SLC37A3: variants seen among roughly 807,000 people sequenced by gnomAD.
SLC37A3 encodes the protein solute carrier family 37 member 3.
SLC37A3 carries 51 observed loss-of-function variants against 67.1 expected under a neutral mutation model. The observed-to-expected ratio is 0.76, with a 90% CI of 0.61 to 0.96. SLC37A3 has a LOEUF of 0.96. SLC37A3 is among the 40% of genes least tolerant of loss of function. The pLI, the probability that SLC37A3 is intolerant of heterozygous loss-of-function variation, is 0.00. For missense variants in SLC37A3, 508 were observed against 603.0 expected, an observed-to-expected ratio of 0.84 and a Z score of 1.65; for synonymous variants, 214 against 231.4, an observed-to-expected ratio of 0.92 and a Z score of 0.68.
intron 13 of SLC37A3, among the ~76,000 whole-genome samples, chr7:140,338,479 C>CT (rs992748382): frequency 6.7e-5 from 10 of 150,160 alleles, no homozygotes; most frequent in South Asian, 4.2e-4. Flanking sequence ...AACTTCACTC[C>CT]TTTTTTTTTG....
At chr7:140,369,494 C>A in intron 4 of SLC37A3, 96 bp downstream of exon 4, 1 of 886,696 alleles carries the variant, frequency 1.1e-6, no homozygotes, top group South Asian at 1.7e-5. Flanking sequence ...CTGCCTCAGT[C>A]AGCAAATTCA....
intron 3 of SLC37A3, among the ~76,000 whole-genome samples, chr7:140,374,342 A>G (rs536264267): frequency 6.6e-6 from 1 of 152,222 alleles, no homozygotes; most frequent in African/African-American, 2.4e-5. Context: ...ACCAAAAAAT[A>G]CAAAAACTAG....
chr7:140,392,146 C>T (rs889353642), intron 1 of SLC37A3, among the ~76,000 whole-genome samples: 1 of 152,100 alleles, frequency 6.6e-6, no homozygotes, highest in African/African-American at 2.4e-5. Flanking sequence ...TCTCAGTGGA[C>T]AGCATCTAAG....
intron 5 of SLC37A3, among the ~76,000 whole-genome samples, chr7:140,361,732 G>T (rs1410082958): frequency 1.8e-4 from 27 of 148,276 alleles, no homozygotes; most frequent in Non-Finnish European, 2.8e-4. Flanking sequence ...TTTTTTTTTT[G>T]GTGGAGACGG....
In SLC37A3 at chr7:140,348,667, G is replaced by C. The variant is rs1187002927; in HGVS notation, c.983C>G (p.Ala328Gly). ...SNNFGWKEAE[A>G]DKLSIWYDVG... The stretch of plus-strand genomic sequence containing the variant: ...GTCGTACCAAATGGACAGCTTGTCG[G>C]CTTCCGCCTCCTTCCAGCCGAAGTT... The change falls in exon 10 of 15, where the codon GCC (alanine) becomes GGC (glycine). Residue 328 changes from alanine to glycine, a missense_variant. Ala to Gly is a moderately conservative substitution (Grantham distance 60, BLOSUM62 0). Coordinates refer to ENST00000326232, the MANE Select transcript of SLC37A3 (RefSeq NM_207113.3). The C allele has an allele frequency of 6.2e-7, 1 of 1,614,052 alleles. No individual in the cohort carries two copies. The highest frequency in any genetic ancestry group is 1.7e-5 in the Admixed American group (1 of 59,966).
intron 2 of SLC37A3, among the ~76,000 whole-genome samples, chr7:140,381,441 T>C (rs1798248672): frequency 6.7e-6 from 1 of 148,224 alleles, no homozygotes; most frequent in African/African-American, 2.6e-5. Flanking sequence ...GGGTAGATCA[T>C]TTGATCCCGG....
At chr7:140,356,510 C>T (rs534539848) in intron 6 of SLC37A3, among the ~76,000 whole-genome samples, 13 of 152,090 alleles carry the variant, frequency 8.5e-5, no homozygotes, top group African/African-American at 2.9e-4. Flanking sequence ...GGCGAAACCC[C>T]GTCTCTACTA....
chr7:140,377,859 C>T lies in SLC37A3; in HGVS notation c.198+2423G>A, dbSNP rs58694378. On this transcript the variant is annotated intron_variant, in intron 3 of 14. Transcript: ENST00000326232. ...CGGCCTGGGCAACATAGCAAGAGCC[C>T]CGTCTCTTAAAAAATAATTTAAAAA... Among the ~76,000 whole-genome samples, 1,113 of 152,030 alleles carry T rather than the reference C, an allele frequency of 7.3e-3. 9 individuals carry two copies. Among genetic ancestry groups the T allele is most frequent in the African/African-American group, 0.024 (987 of 41,482 alleles).
chr7:140,389,801 C>T (rs1798653822), intron 1 of SLC37A3, among the ~76,000 whole-genome samples: 1 of 152,184 alleles, frequency 6.6e-6, no homozygotes, highest in African/African-American at 2.4e-5. Context: ...TCTAATTTCA[C>T]TTTCTATAGT....
chr7:140,348,122 G>C (rs780579267), intron 10 of SLC37A3, among the ~76,000 whole-genome samples: 2 of 152,184 alleles, frequency 1.3e-5, no homozygotes, highest in Non-Finnish European at 2.9e-5. Flanking sequence ...ACGGTATTAA[G>C]AGTAACTGAA....
intron 1 of SLC37A3, among the ~76,000 whole-genome samples, chr7:140,391,510 C>A (rs1798724587): frequency 6.6e-6 from 1 of 152,324 alleles, no homozygotes; most frequent in African/African-American, 2.4e-5. Flanking sequence ...GAGCCGAGAT[C>A]AGGCCACTGC....
At position 140,362,904 on chromosome 7, in the gene SLC37A3, G is replaced by T. The variant is rs1294478590; in HGVS notation, c.375+1504C>A. 1.2e-3 allele frequency among the ~76,000 whole-genome samples: 82 copies of T among 69,254 alleles called. 21 individuals carry two copies. Among genetic ancestry groups the T allele is most frequent in the Admixed American group, 3.4e-3 (28 of 8,336 alleles). 45.4% of individuals were successfully genotyped at this position (69,254 alleles called of 152,430 possible). ...GCCGCCCCGTCCGGGAGGGAGGCGG[G>T]GGGGGGGGTCGGCCAGCCGCCCTGT... On this transcript the variant is annotated intron_variant, in intron 5 of 14. Coordinates refer to ENST00000326232, the MANE Select transcript of SLC37A3 (RefSeq NM_207113.3).
intron 1 of SLC37A3, among the ~76,000 whole-genome samples, chr7:140,388,594 C>T (rs1585376029): frequency 6.6e-6 from 1 of 151,784 alleles, no homozygotes; most frequent in East Asian, 1.9e-4. Flanking sequence ...AGGAGGATCA[C>T]GAAGTCAGGG....
Position 140,339,990 on chromosome 7 carries a change from G to A in SLC37A3, c.1327-2641C>T, listed in dbSNP as rs187555455. On this transcript the variant is annotated intron_variant, in intron 13 of 14. Coordinates refer to ENST00000326232, the MANE Select transcript of SLC37A3 (RefSeq NM_207113.3). The stretch of plus-strand genomic sequence containing the variant: ...CCTGACCTCGTGATCCGCCCGCCTC[G>A]GCCTCCCAGAGTGCTGGGATTACAG... 2.4e-3 allele frequency among the ~76,000 whole-genome samples: 371 copies of A among 151,928 alleles called. 1 individual carries two copies. Among genetic ancestry groups the A allele is most frequent in the Middle Eastern group, 3.4e-3 (1 of 294 alleles).
chr7:140,356,569 G>T (rs918179649), intron 6 of SLC37A3, among the ~76,000 whole-genome samples: 2 of 152,150 alleles, frequency 1.3e-5, no homozygotes, highest in Admixed American at 1.3e-4. Flanking sequence ...TATAATCCCA[G>T]CTACTTGGGA....
At chr7:140,361,351 G>A (rs1797264596) in intron 5 of SLC37A3, among the ~76,000 whole-genome samples, 1 of 151,954 alleles carries the variant, frequency 6.6e-6, no homozygotes, top group Non-Finnish European at 1.5e-5. Context: ...GTGTGGTGGT[G>A]CATGCTTGTA....
At chr7:140,364,938 T>C (rs578051312) in intron 4 of SLC37A3, among the ~76,000 whole-genome samples, 2 of 152,350 alleles carry the variant, frequency 1.3e-5, no homozygotes, top group Admixed American at 1.3e-4. Flanking sequence ...GGGATTCCTC[T>C]TAGCCATCTG....
intron 3 of SLC37A3, among the ~76,000 whole-genome samples, chr7:140,375,775 C>G (rs1798009507): frequency 6.6e-6 from 1 of 152,214 alleles, no homozygotes; most frequent in African/African-American, 2.4e-5. Context: ...TGGCACCAAT[C>G]TGGTTACTTT....
At chr7:140,362,319 G>A (rs1285436058) in intron 5 of SLC37A3, among the ~76,000 whole-genome samples, 5 of 139,328 alleles carry the variant, frequency 3.6e-5, no homozygotes, top group Admixed American at 2.1e-4. Context: ...CCTGGCAACC[G>A]CCCCGTCTGA....
Sources: gnomAD v4.1 joint callset for allele counts (sites outside exome capture counted in the v4.1 genomes callset) on GRCh38, gnomAD v4.1.1 for gene constraint, MANE v1.5 for transcripts, NCBI Gene and HGNC (gene_info 2026-07-23, HGNC 2026-07-21) for gene names.